The following NFIB variants were observed in gnomAD, a reference collection of about 807,000 sequenced individuals.
NFIB encodes the protein nuclear factor 1 B-type.
A neutral mutation model predicts 61.5 loss-of-function variants in NFIB; 11 were observed. That is an observed-to-expected ratio of 0.18 (90% CI 0.11 to 0.30). The LOEUF is 0.30. NFIB is among the 10% of genes least tolerant of loss of function. The pLI is 1.00. For missense variants in NFIB, 471 were observed against 608.9 expected (o/e 0.77, Z 2.38); for synonymous variants, 260 against 216.5 (o/e 1.20, Z -1.76).
chr9:14,124,208 T>C (rs1437090950), intron 7 of NFIB, among the ~76,000 whole-genome samples: 1 of 152,168 alleles, frequency 6.6e-6, no homozygotes, highest in Non-Finnish European at 1.5e-5. Flanking sequence ...TACTGTCTAC[T>C]TTTTTTCACG....
chr9:14,231,046 G>A (rs531223502), intron 2 of NFIB, among the ~76,000 whole-genome samples: 2 of 146,458 alleles, frequency 1.4e-5, no homozygotes, highest in East Asian at 4.0e-4. Context: ...CTGCCACTCT[G>A]TCACTAGAAC....
chr9:14,219,856 T>A (rs2051422790), intron 2 of NFIB, among the ~76,000 whole-genome samples: 1 of 152,154 alleles, frequency 6.6e-6, no homozygotes, highest in South Asian at 2.1e-4. Context: ...ATATTAAGAA[T>A]CCTCTGGAAA....
chr9:14,474,626 T>C, the NFIB span, among the ~76,000 whole-genome samples: 1 of 152,198 alleles, frequency 6.6e-6, no homozygotes, highest in Non-Finnish European at 1.5e-5. Flanking sequence ...ACCTAAGATA[T>C]GATTCATTCT....
At chr9:14,266,010 G>T (rs1323372203) in intron 2 of NFIB, among the ~76,000 whole-genome samples, 1 of 152,120 alleles carries the variant, frequency 6.6e-6, no homozygotes, top group Non-Finnish European at 1.5e-5. Flanking sequence ...GGATGGTCAG[G>T]CAAAGGGAGA....
the NFIB span, among the ~76,000 whole-genome samples, chr9:14,496,618 C>A: frequency 6.6e-6 from 1 of 152,096 alleles, no homozygotes; most frequent in South Asian, 2.1e-4. Flanking sequence ...CCCTTGGCAC[C>A]TTGCATTTCG....
chr9:14,184,489 A>G (rs1242263981), intron 2 of NFIB, among the ~76,000 whole-genome samples: 3 of 94,574 alleles, frequency 3.2e-5, no homozygotes, highest in Admixed American at 1.2e-4. Context: ...AGAGAGGCCA[A>G]TTCTATAAAT....
chr9:14,302,565 T>A (rs542983248), intron 2 of NFIB, among the ~76,000 whole-genome samples: 56 of 152,348 alleles, frequency 3.7e-4, no homozygotes, highest in African/African-American at 1.1e-3. Flanking sequence ...ACATGTTTAA[T>A]AAGAGTGCAA....
intron 1 of NFIB, among the ~76,000 whole-genome samples, chr9:14,379,689 A>G (rs2061461663): frequency 6.6e-6 from 1 of 151,734 alleles, no homozygotes; most frequent in Non-Finnish European, 1.5e-5. Flanking sequence ...TTATTTATTT[A>G]TTTATTTTTG....
At chr9:14,124,317 CAGTT>C (rs1280089948) in intron 7 of NFIB, among the ~76,000 whole-genome samples, 1 of 152,134 alleles carries the variant, frequency 6.6e-6, no homozygotes, top group African/African-American at 2.4e-5. Context: ...ACCTATGAAA[CAGTT>C]ACTGATTTTT....
chr9:14,502,460 T>A, the NFIB span, among the ~76,000 whole-genome samples: 1 of 152,244 alleles, frequency 6.6e-6, no homozygotes, highest in Non-Finnish European at 1.5e-5. Flanking sequence ...GGACAGGAAA[T>A]CTAATAGTGC....
chr9:14,302,798 G>T (rs1239716066), intron 2 of NFIB, among the ~76,000 whole-genome samples: 3 of 149,998 alleles, frequency 2.0e-5, no homozygotes, highest in Admixed American at 6.6e-5. Flanking sequence ...ACAGGACACA[G>T]TCTGGCAACT....
intron 1 of NFIB, among the ~76,000 whole-genome samples, chr9:14,369,346 A>G (rs950933996): frequency 2.6e-5 from 4 of 152,230 alleles, no homozygotes; most frequent in African/African-American, 7.2e-5. Context: ...TTATCTAATT[A>G]TCATCGGGTT....
chr9:14,278,932 G>A (rs1045052852), intron 2 of NFIB, among the ~76,000 whole-genome samples: 1 of 152,108 alleles, frequency 6.6e-6, no homozygotes, highest in African/African-American at 2.4e-5. Flanking sequence ...TAAGCTGAAA[G>A]TCCACAATAG....
chr9:14,375,196 G>A (rs1359970322), intron 1 of NFIB, among the ~76,000 whole-genome samples: 2 of 152,178 alleles, frequency 1.3e-5, no homozygotes, highest in African/African-American at 4.8e-5. Flanking sequence ...GTTCCTCAGA[G>A]TCATCAGAGC....
chr9:14,452,305 T>C, the NFIB span, among the ~76,000 whole-genome samples: 2 of 151,514 alleles, frequency 1.3e-5, 1 homozygote, highest in African/African-American at 4.9e-5. Flanking sequence ...ATCCATGATA[T>C]TTTTTACATT....
chr9:14,284,061 A>C (rs1278274745), intron 2 of NFIB, among the ~76,000 whole-genome samples: 1 of 152,126 alleles, frequency 6.6e-6, no homozygotes, highest in Non-Finnish European at 1.5e-5. Context: ...ATGAGCTGGG[A>C]AGGGGCAGTC....
the NFIB span, among the ~76,000 whole-genome samples, chr9:14,411,849 A>C: frequency 6.6e-6 from 1 of 152,188 alleles, no homozygotes; most frequent in African/African-American, 2.4e-5. Context: ...GGTATAAAAA[A>C]CACTGTGGTT....
chr9:14,146,933 T>A lies in NFIB; in HGVS notation c.807-126A>T, dbSNP rs934301125. ...TAAGCACAAGTAATAATGGTGAGTA[T>A]AATGGTGAGTATTGAAGATATCAAT... On this transcript the variant is annotated intron_variant, in intron 5 of 10. Transcript: ENST00000380953. 3.6e-5 allele frequency: 44 copies of A among 1,238,162 alleles called. No homozygotes were observed. In the Admixed American group the frequency reaches 1.0e-3, roughly 29 times the overall value. 76.7% of individuals were successfully genotyped at this position (1,238,162 alleles called of 1,614,324 possible).
At chr9:14,116,844 C>T (rs986349916) in intron 8 of NFIB, among the ~76,000 whole-genome samples, 5 of 152,120 alleles carry the variant, frequency 3.3e-5, no homozygotes, top group African/African-American at 9.7e-5. Context: ...TCAAATACAA[C>T]GAATTCTGGA....
Sources: gnomAD v4.1 joint callset for allele counts (sites outside exome capture counted in the v4.1 genomes callset) on GRCh38, gnomAD v4.1.1 for gene constraint, MANE v1.5 for transcripts, NCBI Gene and HGNC (gene_info 2026-07-23, HGNC 2026-07-21) for gene names.